Variants in ZNF385D observed in about 807,000 individuals in gnomAD.
ZNF385D encodes the protein zinc finger protein 385D.
Under a neutral mutation model 35.8 loss-of-function variants are expected in ZNF385D, and 15 were observed. The observed-to-expected ratio is 0.42, with a 90% CI of 0.28 to 0.64. The LOEUF is 0.64. Among genes scored for constraint, ZNF385D ranks in the 30% least tolerant of loss-of-function variants. The pLI, the probability that ZNF385D is intolerant of heterozygous loss-of-function variation, is 0.23. For missense variants in ZNF385D, 474 were observed against 494.6 expected (o/e 0.96, Z 0.39); for synonymous variants, 212 against 186.8 (o/e 1.13, Z -1.10).
intron 3 of ZNF385D, among the ~76,000 whole-genome samples, chr3:21,833,251 T>G (rs887294501): frequency 2.0e-5 from 3 of 152,210 alleles, no homozygotes; most frequent in African/African-American, 7.2e-5. Flanking sequence ...CCCAAAGTTA[T>G]GTATACATCA....
chr3:21,669,015 C>T (rs9828403), intron 1 of ZNF385D, among the ~76,000 whole-genome samples: 111,766 of 152,096 alleles, frequency 0.73, 41,425 homozygotes, highest in Admixed American at 0.78. Context: ...CATTGGAATG[C>T]CACATTTCTG....
At chr3:22,134,587 T>C (rs1703995110) in intron 3 of ZNF385D, among the ~76,000 whole-genome samples, 1 of 152,168 alleles carries the variant, frequency 6.6e-6, no homozygotes, top group Admixed American at 6.6e-5. Context: ...GGACATTTAC[T>C]AAAAGAGGCC....
chr3:22,126,833 T>C (rs1392213390), intron 3 of ZNF385D, among the ~76,000 whole-genome samples: 2 of 152,144 alleles, frequency 1.3e-5, no homozygotes, highest in Non-Finnish European at 2.9e-5. Context: ...ATAGTATTTG[T>C]TTTCTATATC....
chr3:22,285,848 G>T (rs1701996197), intron 2 of ZNF385D, among the ~76,000 whole-genome samples: 1 of 152,136 alleles, frequency 6.6e-6, no homozygotes, highest in African/African-American at 2.4e-5. Context: ...AATATAGCTA[G>T]TATTAACATT....
In ZNF385D at chr3:22,356,283, A is replaced by G. The variant is rs79877006; in HGVS notation, c.106+16167T>C. Among the ~76,000 whole-genome samples the G allele has an allele frequency of 4.7e-3, 712 of 152,128 alleles. 2 individuals are homozygous for G. Among genetic ancestry groups the G allele is most frequent in the African/African-American group, 0.016 (666 of 41,542 alleles). Reference sequence around the variant, plus strand: ...TGGTCTACACATGAAACAGCAAACCACACAGGAGGTATATTTCAATGGGTA... The same window carrying G: ...TGGTCTACACATGAAACAGCAAACCGCACAGGAGGTATATTTCAATGGGTA... On this transcript the variant is annotated intron_variant, in intron 2 of 5. Coordinates refer to the ZNF385D transcript ENST00000494108.
intron 2 of ZNF385D, among the ~76,000 whole-genome samples, chr3:21,612,766 T>A (rs1404654737): frequency 6.6e-6 from 1 of 152,194 alleles, no homozygotes; most frequent in Non-Finnish European, 1.5e-5. Flanking sequence ...GAATCTATAA[T>A]CTAAACCTCA....
intron 3 of ZNF385D, among the ~76,000 whole-genome samples, chr3:21,887,617 T>C (rs1347119838): frequency 6.6e-6 from 1 of 152,102 alleles, no homozygotes; most frequent in Non-Finnish European, 1.5e-5. Flanking sequence ...AGAAAAATCG[T>C]GTGATAGAAC....
At chr3:21,869,995 C>G (rs1020626003) in intron 3 of ZNF385D, among the ~76,000 whole-genome samples, 1 of 151,554 alleles carries the variant, frequency 6.6e-6, no homozygotes, top group Admixed American at 6.6e-5. Flanking sequence ...TTTTTATATC[C>G]CACTGTGGAT....
chr3:22,048,632 G>C (rs562257250), intron 3 of ZNF385D, among the ~76,000 whole-genome samples: 1 of 152,212 alleles, frequency 6.6e-6, no homozygotes, highest in South Asian at 2.1e-4. Flanking sequence ...GTACCATGTT[G>C]TTTTGATTAT....
At chr3:21,554,789 G>A (rs2062677235) in intron 3 of ZNF385D, among the ~76,000 whole-genome samples, 1 of 152,140 alleles carries the variant, frequency 6.6e-6, no homozygotes, top group African/African-American at 2.4e-5. Context: ...TTATGGAGAG[G>A]ACTTCTTTCT....
chr3:21,525,606 C>A (rs1708175121), intron 3 of ZNF385D, among the ~76,000 whole-genome samples: 3 of 148,434 alleles, frequency 2.0e-5, no homozygotes, highest in Non-Finnish European at 1.5e-5. Context: ...ATTGCTTGAA[C>A]CTGGGAGGCG....
At chr3:22,150,929 C>T (rs1281869228) in intron 3 of ZNF385D, among the ~76,000 whole-genome samples, 1 of 152,088 alleles carries the variant, frequency 6.6e-6, no homozygotes, top group Non-Finnish European at 1.5e-5. Flanking sequence ...GAGAGTAAAT[C>T]ATTCTGGGAG....
intron 2 of ZNF385D, among the ~76,000 whole-genome samples, chr3:22,342,461 C>T (rs1462690516): frequency 6.6e-6 from 1 of 151,988 alleles, no homozygotes; most frequent in Non-Finnish European, 1.5e-5. Context: ...AGGCTTTTCT[C>T]CCTGGATCTA....
chr3:21,937,398 T>C (rs560530219), intron 3 of ZNF385D, among the ~76,000 whole-genome samples: 2 of 152,282 alleles, frequency 1.3e-5, no homozygotes, highest in South Asian at 2.1e-4. Context: ...ATTGTGCCAC[T>C]GTAATTGAGT....
intron 3 of ZNF385D, among the ~76,000 whole-genome samples, chr3:22,061,932 C>A (rs1178325247): frequency 6.6e-6 from 1 of 152,116 alleles, no homozygotes; most frequent in Non-Finnish European, 1.5e-5. Flanking sequence ...TGCTTCATCC[C>A]CAGCACCTAA....
chr3:21,841,441 A>C (rs1174079360), intron 3 of ZNF385D, among the ~76,000 whole-genome samples: 1 of 151,904 alleles, frequency 6.6e-6, no homozygotes, highest in Non-Finnish European at 1.5e-5. Flanking sequence ...TTCATTTTAA[A>C]AAAAGTCAGA....
intron 3 of ZNF385D, among the ~76,000 whole-genome samples, chr3:22,136,386 TAA>T (rs34116818): frequency 2.0e-5 from 3 of 146,586 alleles, no homozygotes; most frequent in African/African-American, 2.5e-5. Context: ...AGACTTTGTC[TAA>T]AAAAAAAAAA....
chr3:22,250,516 C>T (rs977696382), intron 2 of ZNF385D, among the ~76,000 whole-genome samples: 2 of 152,022 alleles, frequency 1.3e-5, no homozygotes, highest in Non-Finnish European at 2.9e-5. Context: ...ACTCCTCACC[C>T]ACAACCTGAC....
At chr3:21,803,477 A>T (rs2072501053) in intron 3 of ZNF385D, among the ~76,000 whole-genome samples, 1 of 152,208 alleles carries the variant, frequency 6.6e-6, no homozygotes, top group Non-Finnish European at 1.5e-5. Context: ...TGATTGTATA[A>T]CTAAGCCTAA....
Sources: gnomAD v4.1 joint callset for allele counts (sites outside exome capture counted in the v4.1 genomes callset) on GRCh38, gnomAD v4.1.1 for gene constraint, MANE v1.5 for transcripts, NCBI Gene and HGNC (gene_info 2026-07-23, HGNC 2026-07-21) for gene names.